Variants in CLCN5 observed in about 807,000 individuals in gnomAD.
CLCN5 encodes H(+)/Cl(-) exchange transporter 5.
CLCN5 carries 17 observed loss-of-function variants against 54.0 expected under a neutral mutation model. That is an observed-to-expected ratio of 0.31 (90% confidence interval 0.22 to 0.47). The LOEUF is 0.47. Ranked by LOEUF, CLCN5 falls within the 20% of genes least tolerant of loss-of-function variation. The pLI, the probability that CLCN5 is intolerant of heterozygous loss-of-function variation, is 1.00. For missense variants in CLCN5, 448 were observed against 646.7 expected (o/e 0.69, Z 3.33); for synonymous variants, 222 against 233.0 (o/e 0.95, Z 0.43).
At chrX:50,077,982 C>T (rs1405519480) in intron 7 of CLCN5, among the ~76,000 whole-genome samples, 4 of 104,213 alleles carry the variant, frequency 3.8e-5, no homozygotes, top group South Asian at 9.1e-4. Flanking sequence ...GAGCCGTGAT[C>T]GCACCACTGC....
chrX:50,011,959 C>T (rs150229393), intron 3 of CLCN5, among the ~76,000 whole-genome samples: 1,353 of 111,015 alleles, frequency 0.012, 16 homozygotes, highest in African/African-American at 0.041. Flanking sequence ...CTGCATAGAG[C>T]GAAGAACACC....
intron 4 of CLCN5, among the ~76,000 whole-genome samples, chrX:50,065,073 G>A (rs1557190569): frequency 9.7e-6 from 1 of 103,613 alleles, no homozygotes; most frequent in African/African-American, 3.6e-5. Flanking sequence ...AGAAAACCTA[G>A]GCATTACCAT....
intron 3 of CLCN5, among the ~76,000 whole-genome samples, chrX:49,941,796 C>T (rs1330512642): frequency 2.7e-5 from 3 of 110,399 alleles, no homozygotes; most frequent in African/African-American, 6.6e-5. Context: ...CCTGAAATTA[C>T]ATAGCCTTTT....
intron 9 of CLCN5, 35 bp downstream of exon 9, chrX:50,081,882 T>C (rs782563752): frequency 1.8e-6 from 2 of 1,123,773 alleles, no homozygotes; most frequent in East Asian, 6.1e-5. Context: ...CTCTTTTTGG[T>C]TGTGAGCATA....
intron 3 of CLCN5, among the ~76,000 whole-genome samples, chrX:49,953,004 G>A (rs937568377): frequency 9.2e-6 from 1 of 109,106 alleles, no homozygotes; most frequent in African/African-American, 3.4e-5. Flanking sequence ...TCCTGCCTCA[G>A]CCTCCCGAGT....
At chrX:50,048,199 G>A (rs1336620941) in intron 4 of CLCN5, among the ~76,000 whole-genome samples, 3 of 112,150 alleles carry the variant, frequency 2.7e-5, no homozygotes, top group East Asian at 2.8e-4. Flanking sequence ...CCTCGCATGC[G>A]CAGTTCACAA....
Position 49,925,370 on chromosome X carries a change from C to G in CLCN5, c.16+56C>G, listed in dbSNP as rs1162676601. ...GTTTTTCCTCCTACTCTATTCTCTA[C>G]CCTCACCCAACCGTTCCCCACCCAG... On this transcript the variant is annotated intron_variant, in intron 3 of 14. Coordinates refer to ENST00000376091, the MANE Select transcript of CLCN5 (RefSeq NM_001127898.4). 6.2e-6 allele frequency: 7 copies of G among 1,123,386 alleles called. No individual in the cohort carries two copies. The Admixed American group carries it at 8.7e-5, about 14-fold the overall frequency. The allele number at this position is 1,123,386 out of a possible 1,213,427, so 92.6% of individuals were successfully genotyped here.
intron 3 of CLCN5, among the ~76,000 whole-genome samples, chrX:49,989,832 A>T (rs1929168568): frequency 8.9e-6 from 1 of 112,240 alleles, no homozygotes; most frequent in Non-Finnish European, 1.9e-5. Flanking sequence ...TCATATTCAC[A>T]TGCCATGCAA....
chrX:50,073,895 T>G (rs1461661505), intron 6 of CLCN5, among the ~76,000 whole-genome samples: 4 of 111,655 alleles, frequency 3.6e-5, no homozygotes, highest in African/African-American at 1.3e-4. Context: ...CAGGATTTGG[T>G]CCTTGGGCTA....
At chrX:49,975,967 T>C (rs782352311) in intron 3 of CLCN5, among the ~76,000 whole-genome samples, 7 of 111,660 alleles carry the variant, frequency 6.3e-5, no homozygotes, top group Non-Finnish European at 9.4e-5. Context: ...ATTGTCAAAA[T>C]TGGCTAGGGT....
chrX:49,990,542 A>G (rs968923902), intron 3 of CLCN5, among the ~76,000 whole-genome samples: 3 of 111,086 alleles, frequency 2.7e-5, no homozygotes, highest in Non-Finnish European at 5.7e-5. Flanking sequence ...GGTTCAAGCA[A>G]TTCTCCTGGC....
chrX:49,930,655 A>G (rs1397651434), intron 3 of CLCN5, among the ~76,000 whole-genome samples: 1 of 111,573 alleles, frequency 9.0e-6, no homozygotes, highest in Non-Finnish European at 1.9e-5. Flanking sequence ...CAAGTATACT[A>G]AAATCCTAGC....
intron 3 of CLCN5, among the ~76,000 whole-genome samples, chrX:50,031,252 A>G (rs1557185827): frequency 8.9e-6 from 1 of 111,889 alleles, no homozygotes; most frequent in Admixed American, 9.5e-5. Flanking sequence ...GATTCAAACA[A>G]TCTCTCTCTA....
chrX:50,025,509 A>G (rs1557184870), intron 3 of CLCN5, among the ~76,000 whole-genome samples: 1 of 110,964 alleles, frequency 9.0e-6, no homozygotes, highest in African/African-American at 3.3e-5. Flanking sequence ...CTCCCCCTAC[A>G]TTAGCCCCTT....
chrX:50,014,313 G>A (rs977450721), intron 3 of CLCN5, among the ~76,000 whole-genome samples: 1 of 111,673 alleles, frequency 9.0e-6, no homozygotes, highest in Admixed American at 9.5e-5. Flanking sequence ...CAAGTATTGA[G>A]CACTTAGTAC....
At chrX:49,984,536 A>T (rs1928897594) in intron 3 of CLCN5, among the ~76,000 whole-genome samples, 1 of 111,423 alleles carries the variant, frequency 9.0e-6, no homozygotes, top group Admixed American at 9.6e-5. Flanking sequence ...AAGTTTGTTG[A>T]TAATATTGCT....
At chrX:49,979,357 C>G (rs1286886832) in intron 3 of CLCN5, among the ~76,000 whole-genome samples, 2 of 111,574 alleles carry the variant, frequency 1.8e-5, no homozygotes, top group African/African-American at 6.5e-5. Context: ...CACAAATACA[C>G]CAGAGTTTAT....
intron 3 of CLCN5, chrX:50,010,666 C>A: frequency 5.8e-6 from 1 of 173,165 alleles, no homozygotes; most frequent in East Asian, 1.5e-4. Flanking sequence ...ATCTCCTGTC[C>A]TGGTTCCCCC....
chrX:50,009,581 G>T, intron 3 of CLCN5: 1 of 320,724 alleles, frequency 3.1e-6, no homozygotes, highest in Non-Finnish European at 6.0e-6. Flanking sequence ...TGTGCAGGGG[G>T]ATGAATACAT....
Sources: allele counts gnomAD v4.1 joint callset (sites outside exome capture counted in the v4.1 genomes callset), GRCh38; gene constraint gnomAD v4.1.1; transcripts MANE v1.5; gene names NCBI Gene and HGNC (gene_info 2026-07-23, HGNC 2026-07-21).